The following SMCHD1 variants were observed in gnomAD, a reference collection of about 807,000 sequenced individuals.
The protein encoded by SMCHD1 is structural maintenance of chromosomes flexible hinge domain-containing protein 1.
In SMCHD1, 78 loss-of-function variants were observed where a neutral mutation model predicts 254.7. The ratio of observed to expected loss-of-function variants is 0.31; its 90% CI spans 0.26 to 0.37. The LOEUF (loss-of-function observed/expected upper bound fraction) is 0.37, where lower values mean the gene tolerates loss of function less well. SMCHD1 is among the 10% of genes least tolerant of loss of function. SMCHD1 has a pLI of 1.00. For missense variants in SMCHD1, 1,840 were observed against 2,408.1 expected (o/e 0.76, Z 4.94); for synonymous variants, 766 against 794.9 (o/e 0.96, Z 0.61).
In SMCHD1 at chr18:2,747,569, T is replaced by A. The variant is rs1190198280; in HGVS notation, c.3849T>A (p.Val1283=). ...NGRDLQNPII[V]QLCDQWDNPA... Reference sequence around the variant, plus strand: ...GAGATTTACAGAACCCTATTATTGTTCAACTTTGTGATCAGTGGGATAATC... The same window carrying A: ...GAGATTTACAGAACCCTATTATTGTACAACTTTGTGATCAGTGGGATAATC... The change falls in exon 30 of 48, where the codon GTT becomes GTA. Residue 1283 remains valine, a synonymous_variant. Coordinates refer to ENST00000320876, the MANE Select transcript of SMCHD1 (RefSeq NM_015295.3). 3 of 1,609,880 alleles carry A rather than the reference T, an allele frequency of 1.9e-6. No homozygotes were observed. Among genetic ancestry groups the A allele is most frequent in the Non-Finnish European group, 2.5e-6 (3 of 1,176,672 alleles).
chr18:2,777,394 A>G (rs1208338637), intron 42 of SMCHD1, among the ~76,000 whole-genome samples: 1 of 152,216 alleles, frequency 6.6e-6, no homozygotes, highest in African/African-American at 2.4e-5. Context: ...GGACAGGAAG[A>G]CAGGGGACAT....
chr18:2,659,225 C>G (rs904795615), intron 1 of SMCHD1, among the ~76,000 whole-genome samples: 7 of 152,180 alleles, frequency 4.6e-5, no homozygotes, highest in African/African-American at 1.7e-4. Context: ...TCAAGTGATT[C>G]TCCTGCCTCG....
intron 10 of SMCHD1, among the ~76,000 whole-genome samples, chr18:2,699,878 G>T (rs1568173905): frequency 6.6e-6 from 1 of 152,154 alleles, no homozygotes; most frequent in Non-Finnish European, 1.5e-5. Flanking sequence ...TAATTCCAGG[G>T]TAGCTGAGGT....
At chr18:2,703,597 A>G (rs2074450738) in intron 12 of SMCHD1, 95 bp from the exon 13 acceptor site, 3 of 950,906 alleles carry the variant, frequency 3.2e-6, no homozygotes, top group Admixed American at 5.4e-5. Flanking sequence ...GAATTGGAGT[A>G]TATGAAAGGA....
intron 4 of SMCHD1, 104 bp downstream of exon 4, chr18:2,673,467 T>G: frequency 1.2e-6 from 1 of 858,666 alleles, no homozygotes; most frequent in Non-Finnish European, 1.7e-6. Flanking sequence ...AAAGTAGAAA[T>G]AATTGTCAGA....
chr18:2,673,087 T>C (rs2073655838), intron 3 of SMCHD1, 194 bp from the exon 4 acceptor site: 2 of 985,354 alleles, frequency 2.0e-6, no homozygotes, highest in African/African-American at 3.5e-5. Context: ...CAAGTACTGA[T>C]TGATGACTGC....
At chr18:2,710,671 T>G (rs568223848) in intron 17 of SMCHD1, among the ~76,000 whole-genome samples, 1 of 152,324 alleles carries the variant, frequency 6.6e-6, no homozygotes, top group Admixed American at 6.5e-5. Context: ...TTCTTTTTCT[T>G]ACCTAATTGG....
chr18:2,684,837 G>A (rs564612238), intron 5 of SMCHD1, among the ~76,000 whole-genome samples: 14 of 151,866 alleles, frequency 9.2e-5, no homozygotes, highest in Non-Finnish European at 1.0e-4. Context: ...TCTGTATTAA[G>A]TAATACTAAA....
chr18:2,768,375 AG>A (rs766141067), intron 37 of SMCHD1, among the ~76,000 whole-genome samples: 1 of 152,102 alleles, frequency 6.6e-6, no homozygotes, highest in Non-Finnish European at 1.5e-5. Flanking sequence ...GGCCAGCATA[AG>A]GGGAATTGGG....
At chr18:2,801,153 G>A (rs62077977) in intron 47 of SMCHD1, 28,220 of 152,122 alleles carry the variant, frequency 0.19, 2,854 homozygotes, top group South Asian at 0.25. Context: ...TGTGGAAGAG[G>A]ATTTCCTAGG....
At chr18:2,667,083 C>T in intron 3 of SMCHD1, 52 bp downstream of exon 3, 1 of 1,278,740 alleles carries the variant, frequency 7.8e-7, no homozygotes, top group Non-Finnish European at 1.1e-6. Context: ...GCCTTTATCC[C>T]CTGATTACGT....
intron 44 of SMCHD1, among the ~76,000 whole-genome samples, chr18:2,783,433 T>C (rs906748560): frequency 6.6e-6 from 1 of 152,176 alleles, no homozygotes; most frequent in African/African-American, 2.4e-5. Flanking sequence ...AATATCTTAT[T>C]TGAATTCCAC....
rs1555635605 is a variant in SMCHD1 at position 2,709,228 on chromosome 18, A to ACATGTG, written c.2260+1308_2260+1309insCATGTG. Reference sequence around the variant, plus strand: ...CCCTTGTGTGTGTATATATGTGTATATGTGTATATATATATATATATACAC... The same window carrying ACATGTG: ...CCCTTGTGTGTGTATATATGTGTATACATGTGTGTGTATATATATATATATATACAC... On this transcript the variant is annotated intron_variant, in intron 17 of 47. Transcript: ENST00000320876. Among the ~76,000 whole-genome samples, 7 of 108,932 alleles carry ACATGTG rather than the reference A, an allele frequency of 6.4e-5. No homozygotes were observed. The East Asian group carries it at 1.2e-3, about 18-fold the overall frequency. The allele number at this position is 108,932 out of a possible 152,430, so 71.5% of individuals were successfully genotyped here.
intron 5 of SMCHD1, among the ~76,000 whole-genome samples, chr18:2,685,868 T>C (rs1464704644): frequency 6.6e-6 from 1 of 152,230 alleles, no homozygotes; most frequent in Admixed American, 6.5e-5. Context: ...AGTTCATAGA[T>C]TAATGGACAC....
chr18:2,694,449 T>C (rs1465643136), intron 7 of SMCHD1, 78 bp from the exon 8 acceptor site: 1 of 1,234,520 alleles, frequency 8.1e-7, no homozygotes, highest in African/African-American at 1.5e-5. Context: ...TAAATCACAT[T>C]AAAATTTGAT....
In SMCHD1 at chr18:2,767,584, C is replaced by CTTTTTT. The variant is rs397858216; in HGVS notation, c.4720-2092_4720-2087dup. Among the ~76,000 whole-genome samples, 30 of 89,246 alleles carry CTTTTTT rather than the reference C, an allele frequency of 3.4e-4. 1 individual carries two copies. The highest frequency in any genetic ancestry group is 3.7e-4 in the African/African-American group (8 of 21,766). 58.5% of individuals were successfully genotyped at this position (89,246 alleles called of 152,430 possible). On this transcript the variant is annotated intron_variant, in intron 37 of 47. Coordinates refer to ENST00000320876, the MANE Select transcript of SMCHD1 (RefSeq NM_015295.3). ...TGGGCTATATATCACAACCTATTTCCTTTTTTTTTTTTTTTTTTTTTTTGA... is the reference window on the plus strand; with the variant it reads ...TGGGCTATATATCACAACCTATTTCCTTTTTTTTTTTTTTTTTTTTTTTTTTTTTGA...
rs187391751 is a variant in SMCHD1 at position 2,756,698 on chromosome 18, G to A, written c.4347-3954G>A. Reference sequence around the variant, plus strand: ...GCAACCTCCACCTCCCTGTTCAAGCGATTCTCCTGCCTCAGCCTCCCAAGT... The same window carrying A: ...GCAACCTCCACCTCCCTGTTCAAGCAATTCTCCTGCCTCAGCCTCCCAAGT... On this transcript the variant is annotated intron_variant, in intron 34 of 47. Coordinates refer to ENST00000320876, the MANE Select transcript of SMCHD1 (RefSeq NM_015295.3). Among the ~76,000 whole-genome samples, 9 of 152,022 alleles carry A rather than the reference G, an allele frequency of 5.9e-5. No individual in the cohort carries two copies. The East Asian group carries it at 9.7e-4, about 16-fold the overall frequency.
At chr18:2,769,125 A>G (rs918270197) in intron 37 of SMCHD1, among the ~76,000 whole-genome samples, 2 of 152,148 alleles carry the variant, frequency 1.3e-5, no homozygotes, top group African/African-American at 2.4e-5. Flanking sequence ...TTTACTAGTT[A>G]TATGTTTTGG....
rs534087695 is a variant in SMCHD1 at position 2,684,732 on chromosome 18, T to TGTGTGTGA, written c.639-3661_639-3660insTGTGTGAG. ...GTGTGTGTGTGTGTGTGTGTGTGTGTGATTCCATTTTATTTCCTTTTTGGC... is the reference window on the plus strand; with the variant it reads ...GTGTGTGTGTGTGTGTGTGTGTGTGTGTGTGTGAGATTCCATTTTATTTCCTTTTTGGC... On this transcript the variant is annotated intron_variant, in intron 5 of 47. Transcript: ENST00000320876. 4.7e-3 allele frequency among the ~76,000 whole-genome samples: 707 copies of TGTGTGTGA among 151,106 alleles called. 4 individuals carry two copies. The highest frequency in any genetic ancestry group is 0.013 in the African/African-American group (540 of 41,168).
Sources: gnomAD v4.1 joint callset for allele counts (sites outside exome capture counted in the v4.1 genomes callset) on GRCh38, gnomAD v4.1.1 for gene constraint, MANE v1.5 for transcripts, NCBI Gene and HGNC (gene_info 2026-07-23, HGNC 2026-07-21) for gene names.